Variants in RBFOX1 observed in about 807,000 individuals in gnomAD.
RBFOX1 encodes the protein RNA binding fox-1 homolog 1.
RBFOX1 carries 8 observed loss-of-function variants against 57.7 expected under a neutral mutation model. The ratio of observed to expected loss-of-function variants is 0.14; its 90% confidence interval spans 0.08 to 0.25. The LOEUF is 0.25. Ranked by LOEUF, RBFOX1 falls within the 10% of genes least tolerant of loss-of-function variation. RBFOX1 has a pLI of 1.00. For synonymous variants in RBFOX1, 326 were observed against 222.4 expected, an observed-to-expected ratio of 1.47 and a Z score of -4.15; for missense variants, 611 against 548.5, an observed-to-expected ratio of 1.11 and a Z score of -1.14.
chr16:5,502,025 C>G (rs1381331390), intron 2 of RBFOX1, among the ~76,000 whole-genome samples: 1 of 150,186 alleles, frequency 6.7e-6, no homozygotes, highest in Non-Finnish European at 1.5e-5. Flanking sequence ...GCCCAGCTCA[C>G]TATTATTATT....
chr16:6,487,593 G>T (rs569280169), intron 2 of RBFOX1, among the ~76,000 whole-genome samples: 74 of 142,528 alleles, frequency 5.2e-4, no homozygotes, highest in African/African-American at 1.9e-3. Context: ...TGTCATGAAG[G>T]CCAGGAAAGA....
intron 3 of RBFOX1, among the ~76,000 whole-genome samples, chr16:6,670,665 A>G (rs1251548741): frequency 5.3e-5 from 8 of 152,166 alleles, no homozygotes; most frequent in African/African-American, 1.4e-4. Flanking sequence ...TGAAATAAGA[A>G]TACTACCTTT....
intron 4 of RBFOX1, among the ~76,000 whole-genome samples, chr16:7,193,104 C>G (rs528613328): frequency 1.3e-5 from 2 of 152,274 alleles, no homozygotes; most frequent in East Asian, 1.9e-4. Context: ...TAGAGTTAGG[C>G]TTGCTAATCG....
At chr16:7,026,114 C>T (rs1391582841) in intron 3 of RBFOX1, among the ~76,000 whole-genome samples, 1 of 152,140 alleles carries the variant, frequency 6.6e-6, no homozygotes, top group East Asian at 1.9e-4. Flanking sequence ...TGGTCACAGG[C>T]CAGGGTGGAA....
intron 3 of RBFOX1, among the ~76,000 whole-genome samples, chr16:6,714,583 A>G (rs1439208966): frequency 6.6e-6 from 1 of 152,088 alleles, no homozygotes; most frequent in Non-Finnish European, 1.5e-5. Context: ...TTCCTGCTGC[A>G]CAGGTAGGAA....
intron 3 of RBFOX1, among the ~76,000 whole-genome samples, chr16:5,837,670 G>T (rs2056504047): frequency 6.6e-6 from 1 of 151,810 alleles, no homozygotes; most frequent in South Asian, 2.1e-4. Flanking sequence ...ACAGAACTGG[G>T]TGAGGATTTT....
chr16:6,686,073 G>T (rs1477450010), intron 3 of RBFOX1, among the ~76,000 whole-genome samples: 1 of 152,200 alleles, frequency 6.6e-6, no homozygotes, highest in Non-Finnish European at 1.5e-5. Context: ...GCCCAGCGCT[G>T]TGCTCAGCAC....
chr16:5,445,705 A>G lies in RBFOX1; in HGVS notation c.220-21511A>G, dbSNP rs148479592. On this transcript the variant is annotated intron_variant, in intron 1 of 2. Transcript: ENST00000585867. ...CCTGGAACTTAGCAGCCTGTTACTC[A>G]GTGTTCACATTTTCAGAGCATATTT... Among the ~76,000 whole-genome samples, 371 of 152,328 alleles carry G rather than the reference A, an allele frequency of 2.4e-3. 4 individuals are homozygous for G. Among genetic ancestry groups the G allele is most frequent in the Non-Finnish European group, 4.0e-3 (274 of 68,036 alleles).
intron 3 of RBFOX1, among the ~76,000 whole-genome samples, chr16:5,810,623 C>T (rs915636408): frequency 1.3e-5 from 2 of 152,090 alleles, no homozygotes; most frequent in Non-Finnish European, 2.9e-5. Context: ...TGACCCAGCC[C>T]GTGGAACTCC....
intron 4 of RBFOX1, among the ~76,000 whole-genome samples, chr16:7,310,833 A>G (rs1330112164): frequency 6.6e-6 from 1 of 152,190 alleles, no homozygotes; most frequent in African/African-American, 2.4e-5. Flanking sequence ...ATGGAACTCC[A>G]GCTGCCCTTC....
chr16:7,681,072 T>A (rs2074607808), intron 14 of RBFOX1, among the ~76,000 whole-genome samples: 1 of 152,184 alleles, frequency 6.6e-6, no homozygotes. Context: ...AATAAAAGGT[T>A]CTATTTCAGA....
At chr16:7,119,362 C>T (rs968389482) in intron 4 of RBFOX1, among the ~76,000 whole-genome samples, 1 of 152,048 alleles carries the variant, frequency 6.6e-6, no homozygotes, top group African/African-American at 2.4e-5. Context: ...TCTGTGGTGG[C>T]CATGATGCCA....
chr16:6,485,255 C>G (rs1190603353), intron 2 of RBFOX1, among the ~76,000 whole-genome samples: 1 of 152,178 alleles, frequency 6.6e-6, no homozygotes, highest in Non-Finnish European at 1.5e-5. Context: ...TGCCTCCCCT[C>G]TATTAGAATA....
At chr16:5,834,004 A>G (rs1467761620) in intron 3 of RBFOX1, among the ~76,000 whole-genome samples, 1 of 152,142 alleles carries the variant, frequency 6.6e-6, no homozygotes, top group Non-Finnish European at 1.5e-5. Flanking sequence ...ATGCACATAA[A>G]ACAGATACAG....
chr16:6,153,172 C>A (rs1307219516), intron 1 of RBFOX1, among the ~76,000 whole-genome samples: 2 of 151,526 alleles, frequency 1.3e-5, no homozygotes, highest in South Asian at 2.1e-4. Context: ...GAGCAGTATA[C>A]CCTGAATCCG....
At chr16:6,949,857 C>T (rs1198180163) in intron 3 of RBFOX1, among the ~76,000 whole-genome samples, 1 of 151,990 alleles carries the variant, frequency 6.6e-6, no homozygotes, top group East Asian at 1.9e-4. Context: ...AATGCAATTC[C>T]AAGCCCCTCT....
Position 5,947,536 on chromosome 16 carries a change from T to C in RBFOX1, c.351+80201T>C, listed in dbSNP as rs2059425157. ...AGGGGTCTCTGTATGTTGCCTAGGC[T>C]GGTGTCAGACTCCTAGCCCCAAGCA... On this transcript the variant is annotated intron_variant, in intron 4 of 19. Transcript: ENST00000641259. This position sits in a 1 kb window ranked among gnomAD's most constrained non-coding sequence, Gnocchi z 7.2. 6.6e-6 allele frequency among the ~76,000 whole-genome samples: 1 copy of C among 152,170 alleles called. No homozygotes were observed. The highest frequency in any genetic ancestry group is 1.5e-5 in the Non-Finnish European group (1 of 68,022).
intron 4 of RBFOX1, among the ~76,000 whole-genome samples, chr16:7,114,973 G>A (rs1880801813): frequency 6.6e-6 from 1 of 152,174 alleles, no homozygotes; most frequent in African/African-American, 2.4e-5. Flanking sequence ...CTGGAGAAGT[G>A]ATTTGAGGGT....
chr16:7,433,790 C>G (rs976924123), intron 4 of RBFOX1, among the ~76,000 whole-genome samples: 7 of 152,116 alleles, frequency 4.6e-5, no homozygotes, highest in Non-Finnish European at 2.9e-5. Flanking sequence ...AGCCAGCCAG[C>G]CAGACAGCTA....
Sources: allele counts gnomAD v4.1 joint callset (sites outside exome capture counted in the v4.1 genomes callset), GRCh38; gene constraint gnomAD v4.1.1; non-coding constraint Gnocchi (gnomAD v3.1); transcripts MANE v1.5; gene names NCBI Gene and HGNC (gene_info 2026-07-23, HGNC 2026-07-21).